TXNDC8: variants seen among roughly 807,000 people sequenced by gnomAD.
The protein encoded by TXNDC8 is thioredoxin domain containing 8, also known as thioredoxin domain-containing protein 8.
In TXNDC8, 15 loss-of-function variants were observed where a neutral mutation model predicts 12.9. The ratio of observed to expected loss-of-function variants is 1.16; its 90% CI spans 0.78 to 1.79. TXNDC8 has a LOEUF of 1.79. Among genes scored for constraint, TXNDC8 ranks in the 40% most tolerant of loss-of-function variants. TXNDC8 has a pLI of 0.00. For missense variants in TXNDC8, 128 were observed against 113.2 expected (o/e 1.13, Z -0.59); for synonymous variants, 40 against 35.4 (o/e 1.13, Z -0.46).
chr9:110,306,429 C>G (rs895072596), intron 3 of TXNDC8, among the ~76,000 whole-genome samples: 1 of 152,200 alleles, frequency 6.6e-6, no homozygotes, highest in Non-Finnish European at 1.5e-5. Context: ...CTCAAAACCA[C>G]AAATCCAGGC....
intron 2 of TXNDC8, 152 bp downstream of exon 3, chr9:110,329,080 C>A (rs1839450303): frequency 4.5e-6 from 3 of 664,206 alleles, no homozygotes; most frequent in Non-Finnish European, 7.7e-6. Flanking sequence ...CATATAAGAG[C>A]ATAATGAGGA....
intron 2 of TXNDC8, among the ~76,000 whole-genome samples, chr9:110,333,713 T>G (rs1034529007): frequency 6.6e-6 from 1 of 152,190 alleles, no homozygotes; most frequent in Non-Finnish European, 1.5e-5. Context: ...CAGATTTTGT[T>G]TATTTAACAA....
chr9:110,313,251 C>A (rs748973018), intron 3 of TXNDC8, among the ~76,000 whole-genome samples: 26 of 152,078 alleles, frequency 1.7e-4, no homozygotes, highest in Non-Finnish European at 3.2e-4. Context: ...TTATCTTTTC[C>A]CCCAATTTTT....
intron 2 of TXNDC8, among the ~76,000 whole-genome samples, chr9:110,328,810 C>A (rs1469093284): frequency 1.3e-5 from 2 of 152,192 alleles, no homozygotes; most frequent in Non-Finnish European, 1.5e-5. Flanking sequence ...CTGTCCCCCA[C>A]CCCCCAAATA....
At chr9:110,329,764 C>T (rs774158084) in intron 2 of TXNDC8, among the ~76,000 whole-genome samples, 1 of 152,098 alleles carries the variant, frequency 6.6e-6, no homozygotes. Flanking sequence ...CTGCTTGAAG[C>T]GATGTCAACA....
chr9:110,311,756 T>G (rs1471676077), intron 3 of TXNDC8, among the ~76,000 whole-genome samples: 1 of 143,518 alleles, frequency 7.0e-6, no homozygotes, highest in Non-Finnish European at 1.5e-5. Flanking sequence ...TATATGGATA[T>G]ACTATGTACT....
chr9:110,304,665 T>C, intron 3 of TXNDC8, 133 bp from the exon 5 acceptor site: 1 of 750,736 alleles, frequency 1.3e-6, no homozygotes, highest in South Asian at 2.6e-5. Context: ...TTCTCTTTGC[T>C]AAGAGTTAGG....
intron 3 of TXNDC8, among the ~76,000 whole-genome samples, chr9:110,318,174 G>T (rs79176124): frequency 6.6e-5 from 10 of 152,158 alleles, no homozygotes; most frequent in African/African-American, 1.9e-4. Context: ...CATAGCTACC[G>T]GAAGTTCATT....
intron 3 of TXNDC8, chr9:110,322,987 C>A (rs981778116): frequency 2.0e-6 from 2 of 985,224 alleles, no homozygotes; most frequent in Admixed American, 6.2e-5. Context: ...AGGCTTGGAG[C>A]AGTAGATTGG....
intron 3 of TXNDC8, among the ~76,000 whole-genome samples, chr9:110,322,034 T>C (rs1564102128): frequency 6.6e-6 from 1 of 152,244 alleles, no homozygotes; most frequent in Non-Finnish European, 1.5e-5. Flanking sequence ...TGATATTCTT[T>C]GTCAAATGAA....
At chr9:110,304,387 CTGCCTGAGTG>C in intron 4 of TXNDC8, 70 bp downstream of exon 5, 1 of 1,310,702 alleles carries the variant, frequency 7.6e-7, no homozygotes, top group Non-Finnish European at 1.1e-6. Flanking sequence ...CAGCAGCATT[CTGCCTGAGTG>C]TGTCATTATA....
intron 3 of TXNDC8, among the ~76,000 whole-genome samples, chr9:110,317,142 C>T (rs1838912887): frequency 1.3e-5 from 2 of 152,154 alleles, no homozygotes; most frequent in South Asian, 4.1e-4. Flanking sequence ...CACCTCAAGC[C>T]ACACCTTGAA....
chr9:110,318,305 C>A (rs1295639814), intron 3 of TXNDC8, among the ~76,000 whole-genome samples: 3 of 152,182 alleles, frequency 2.0e-5, no homozygotes, highest in Admixed American at 1.3e-4. Context: ...GTATTCTTTG[C>A]TGTACTAAAT....
chr9:110,307,408 C>G lies in TXNDC8; in HGVS notation c.196-2876G>C, dbSNP rs182439002. 1.5e-4 allele frequency among the ~76,000 whole-genome samples: 23 copies of G among 152,228 alleles called. No homozygotes were observed. The East Asian group carries it at 3.3e-3, about 22-fold the overall frequency. ...AAGAGAAATGTTACATTCGTGTCTT[C>G]CTATCCAGCACTGGGCTTTGCATAC... On this transcript the variant is annotated intron_variant, in intron 3 of 4. Transcript: ENST00000423740.
At chr9:110,307,092 C>T (rs1281462780) in intron 3 of TXNDC8, among the ~76,000 whole-genome samples, 1 of 151,422 alleles carries the variant, frequency 6.6e-6, no homozygotes, top group African/African-American at 2.4e-5. Flanking sequence ...CAAGCATGCA[C>T]CAATACACTG....
At position 110,303,735 on chromosome 9, in the gene TXNDC8, C is replaced by G. The variant is rs376263742; in HGVS notation, c.262-27G>C. ...TTTAAATATAAATATACATTAAACA[C>G]ATTAAATTCATAATATTTTCATATT... On this transcript the variant is annotated intron_variant, in intron 4 of 4. Coordinates refer to ENST00000423740, the MANE Select transcript of TXNDC8 (RefSeq NM_001286946.2). 2.2e-4 allele frequency: 332 copies of G among 1,520,436 alleles called. 2 individuals are homozygous for G. The highest frequency in any genetic ancestry group is 1.2e-4 in the Non-Finnish European group (135 of 1,125,218). 94.2% of individuals were successfully genotyped at this position (1,520,436 alleles called of 1,614,324 possible).
At chr9:110,327,915 GAT>G (rs1282402927) in intron 2 of TXNDC8, among the ~76,000 whole-genome samples, 2 of 152,076 alleles carry the variant, frequency 1.3e-5, no homozygotes, top group African/African-American at 4.8e-5. Flanking sequence ...AAGGTAAAGA[GAT>G]AGTCATACTA....
At chr9:110,303,391 G>T, downstream of TXNDC8, 1 of 1,026,276 alleles carries the variant, frequency 9.7e-7, no homozygotes, top group Non-Finnish European at 1.3e-6. Context: ...ATTGCATTAT[G>T]GTATTCAACC....
At chr9:110,336,552 T>C (rs1839766997) in intron 1 of TXNDC8, among the ~76,000 whole-genome samples, 1 of 152,180 alleles carries the variant, frequency 6.6e-6, no homozygotes, top group South Asian at 2.1e-4. Flanking sequence ...TCTCATAGTA[T>C]AGGTATTTAT....
Sources: gnomAD v4.1 joint callset for allele counts (sites outside exome capture counted in the v4.1 genomes callset) on GRCh38, gnomAD v4.1.1 for gene constraint, MANE v1.5 for transcripts, NCBI Gene and HGNC (gene_info 2026-07-23, HGNC 2026-07-21) for gene names.